The following ARID4B variants were observed in gnomAD, a reference collection of about 807,000 sequenced individuals.
ARID4B encodes the protein AT-rich interactive domain-containing protein 4B.
A neutral mutation model predicts 147.5 loss-of-function variants in ARID4B; 26 were observed. That is an observed-to-expected ratio of 0.18 (90% CI 0.13 to 0.24). The LOEUF is 0.24. Among genes scored for constraint, ARID4B ranks in the 10% least tolerant of loss-of-function variants. ARID4B has a pLI of 1.00. For missense variants in ARID4B, 1,179 were observed against 1,511.5 expected (o/e 0.78, Z 3.65); for synonymous variants, 512 against 507.9 (o/e 1.01, Z -0.11).
At chr1:235,300,573 G>A (rs12025973) in intron 2 of ARID4B, among the ~76,000 whole-genome samples, 41,978 of 151,804 alleles carry the variant, frequency 0.28, 7,271 homozygotes, top group South Asian at 0.53. Flanking sequence ...AGATATCTGT[G>A]CTTAGAAGAC....
intron 2 of ARID4B, among the ~76,000 whole-genome samples, chr1:235,269,750 G>A (rs1010745674): frequency 5.9e-5 from 9 of 152,032 alleles, no homozygotes; most frequent in Non-Finnish European, 8.8e-5. Flanking sequence ...AAATGACATC[G>A]AATGTTAACA....
rs527453177 is a variant in ARID4B, at chr1:235,320,887, C to T, written c.6+6027G>A. Reference sequence around the variant, plus strand: ...ACACTTAAATGTCATCTCGAAAAGGCCCTCCATTATCACCTAATCTAAAGT... The same window carrying T: ...ACACTTAAATGTCATCTCGAAAAGGTCCTCCATTATCACCTAATCTAAAGT... On this transcript the variant is annotated intron_variant, in intron 2 of 23. Transcript: ENST00000264183. Among the ~76,000 whole-genome samples the T allele has an allele frequency of 1.3e-3, 193 of 152,314 alleles. 1 individual carries two copies. The highest frequency in any genetic ancestry group is 4.5e-3 in the African/African-American group (189 of 41,568).
chr1:235,215,192 G>A (rs1346532359), intron 16 of ARID4B, among the ~76,000 whole-genome samples: 1 of 151,972 alleles, frequency 6.6e-6, no homozygotes, highest in Non-Finnish European at 1.5e-5. Context: ...CTAAAACTGA[G>A]CATTCATATC....
chr1:235,209,146 G>C (rs565364334), intron 17 of ARID4B, among the ~76,000 whole-genome samples: 8 of 152,290 alleles, frequency 5.3e-5, no homozygotes, highest in Non-Finnish European at 5.9e-5. Flanking sequence ...AACATTTTCA[G>C]CTGTGAAATA....
chr1:235,260,834 T>C, intron 2 of ARID4B, 82 bp from the exon 3 acceptor site: 1 of 898,674 alleles, frequency 1.1e-6, no homozygotes, highest in Non-Finnish European at 1.7e-6. Context: ...GAGCCTAATC[T>C]TGTTAAGCTA....
rs1420205969 is a variant in ARID4B at position 235,166,918 on chromosome 1, T to C, written c.*1607A>G. 1 of 176,666 alleles carries C rather than the reference T, an allele frequency of 5.7e-6. No homozygotes were observed. The highest frequency in any genetic ancestry group is 1.2e-5 in the Non-Finnish European group (1 of 81,784). 10.9% of individuals were successfully genotyped at this position (176,666 alleles called of 1,614,324 possible). A position where few individuals can be genotyped will look rare whatever the true frequency, so the allele number is the denominator to read the frequency against. On this transcript the variant is annotated 3_prime_UTR_variant, in exon 24 of 24. Transcript: ENST00000264183. Reference sequence around the variant, plus strand: ...AATCAAGGATTCACAAACTATGGCATTTTATTTCAGAGCCTTTGCTTACAT... The same window carrying C: ...AATCAAGGATTCACAAACTATGGCACTTTATTTCAGAGCCTTTGCTTACAT...
chr1:235,212,688 A>T lies in ARID4B; in HGVS notation c.1841+1081T>A, dbSNP rs570058440. 3.3e-5 allele frequency among the ~76,000 whole-genome samples: 5 copies of T among 152,348 alleles called. No homozygotes were observed. The South Asian group carries it at 1.0e-3, about 32-fold the overall frequency. On this transcript the variant is annotated intron_variant, in intron 17 of 23. Coordinates refer to ENST00000264183, the MANE Select transcript of ARID4B (RefSeq NM_016374.6). Reference sequence around the variant, plus strand: ...ATTTTCTATGAGTACATTTATATGTATGTGAAAGTAGAATGAAAAGTTAGT... The same window carrying T: ...ATTTTCTATGAGTACATTTATATGTTTGTGAAAGTAGAATGAAAAGTTAGT...
chr1:235,292,306 A>T (rs1672390146), intron 2 of ARID4B, among the ~76,000 whole-genome samples: 1 of 152,200 alleles, frequency 6.6e-6, no homozygotes, highest in Non-Finnish European at 1.5e-5. Context: ...ACAAATTAAT[A>T]AAGGCTCTTA....
intron 2 of ARID4B, among the ~76,000 whole-genome samples, chr1:235,307,745 T>C (rs1341148002): frequency 6.6e-6 from 1 of 152,234 alleles, no homozygotes; most frequent in Non-Finnish European, 1.5e-5. Context: ...TGTGGCAATA[T>C]AACCAGAGGA....
At chr1:235,216,190 C>A (rs571209687) in intron 16 of ARID4B, among the ~76,000 whole-genome samples, 40 of 151,896 alleles carry the variant, frequency 2.6e-4, no homozygotes, top group African/African-American at 8.0e-4. Flanking sequence ...ACAAATTCCT[C>A]AAAAATTCTC....
At chr1:235,221,099 T>C (rs1298663651) in intron 14 of ARID4B, among the ~76,000 whole-genome samples, 2 of 152,208 alleles carry the variant, frequency 1.3e-5, no homozygotes, top group Non-Finnish European at 2.9e-5. Flanking sequence ...GGTTTCGCCA[T>C]GCTGGCCAGG....
intron 11 of ARID4B, among the ~76,000 whole-genome samples, chr1:235,225,442 T>C (rs1245318871): frequency 6.6e-6 from 1 of 152,222 alleles, no homozygotes; most frequent in East Asian, 1.9e-4. Context: ...AGGGAGCTGG[T>C]CCTGAAGCAA....
intron 17 of ARID4B, among the ~76,000 whole-genome samples, chr1:235,209,568 GTT>G (rs565800900): frequency 6.9e-6 from 1 of 144,810 alleles, no homozygotes. Flanking sequence ...TTTTTGTTTT[GTT>G]TTTTTTTTTT....
intron 6 of ARID4B, among the ~76,000 whole-genome samples, chr1:235,249,522 G>A (rs779775041): frequency 1.1e-4 from 17 of 152,084 alleles, no homozygotes; most frequent in African/African-American, 3.6e-4. Context: ...GAGGCTGGGC[G>A]TGGTGGCTCA....
At chr1:235,248,857 T>A (rs1162123144) in intron 6 of ARID4B, among the ~76,000 whole-genome samples, 5 of 152,018 alleles carry the variant, frequency 3.3e-5, no homozygotes, top group African/African-American at 4.8e-5. Flanking sequence ...ATCTTAGACC[T>A]AAAGAGCAAA....
Position 235,231,195 on chromosome 1 carries a change from T to C in ARID4B, c.666-6A>G. On this transcript the variant is annotated splice_region_variant and splice_polypyrimidine_tract_variant and intron_variant, in intron 9 of 23. Coordinates refer to ENST00000264183, the MANE Select transcript of ARID4B (RefSeq NM_016374.6). Reference sequence around the variant, plus strand: ...CTTTTCTTGGAACTGAAGTACTATATATTTTTTTTAATTATAAGAGAAGAA... The same window carrying C: ...CTTTTCTTGGAACTGAAGTACTATACATTTTTTTTAATTATAAGAGAAGAA... 2 of 1,506,288 alleles carry C rather than the reference T, an allele frequency of 1.3e-6. No homozygotes were observed. The highest frequency in any genetic ancestry group is 1.8e-6 in the Non-Finnish European group (2 of 1,113,078). 93.3% of individuals were successfully genotyped at this position (1,506,288 alleles called of 1,614,324 possible). A position where few individuals can be genotyped will look rare whatever the true frequency, so the allele number is the denominator to read the frequency against.
At chr1:235,235,739 A>T (rs1470249990) in intron 8 of ARID4B, among the ~76,000 whole-genome samples, 1 of 152,108 alleles carries the variant, frequency 6.6e-6, no homozygotes, top group African/African-American at 2.4e-5. Flanking sequence ...GAAAAGGAGA[A>T]CTGCATGAGC....
At chr1:235,257,394 G>A (rs1331108204) in intron 3 of ARID4B, among the ~76,000 whole-genome samples, 169 bp from the exon 4 acceptor site, 1 of 151,466 alleles carries the variant, frequency 6.6e-6, no homozygotes, top group Non-Finnish European at 1.5e-5. Context: ...ACAGACAACT[G>A]CTCAGACCGT....
chr1:235,305,663 T>G (rs1266031809), intron 2 of ARID4B, among the ~76,000 whole-genome samples: 1 of 152,142 alleles, frequency 6.6e-6, no homozygotes, highest in Non-Finnish European at 1.5e-5. Context: ...TTTTGAGAAT[T>G]AAAATTTTAA....
Sources: allele counts gnomAD v4.1 joint callset (sites outside exome capture counted in the v4.1 genomes callset), GRCh38; gene constraint gnomAD v4.1.1; transcripts MANE v1.5; gene names NCBI Gene and HGNC (gene_info 2026-07-23, HGNC 2026-07-21).